CACNA2D1: variants seen among roughly 807,000 people sequenced by gnomAD.
The protein encoded by CACNA2D1 is voltage-dependent calcium channel subunit alpha-2/delta-1.
Under a neutral mutation model 171.5 loss-of-function variants are expected in CACNA2D1, and 53 were observed. The ratio of observed to expected loss-of-function variants is 0.31; its 90% confidence interval spans 0.25 to 0.39. The LOEUF (loss-of-function observed/expected upper bound fraction) is 0.39. Among genes scored for constraint, CACNA2D1 ranks in the 10% least tolerant of loss-of-function variants. CACNA2D1 has a pLI of 1.00. For missense variants in CACNA2D1, 903 were observed against 1,299.8 expected, an observed-to-expected ratio of 0.69 and a Z score of 4.69; for synonymous variants, 442 against 443.1, an observed-to-expected ratio of 1.00 and a Z score of 0.03.
chr7:82,066,409 T>A, intron 8 of CACNA2D1, 46 bp downstream of exon 8: 1 of 1,606,452 alleles, frequency 6.2e-7, no homozygotes, highest in Non-Finnish European at 8.5e-7. Flanking sequence ...CAAATATATA[T>A]CTTCTTGCCT....
chr7:81,995,523 G>T (rs1385644856), intron 19 of CACNA2D1, among the ~76,000 whole-genome samples: 1 of 152,142 alleles, frequency 6.6e-6, no homozygotes, highest in Admixed American at 6.5e-5. Flanking sequence ...GGTCGGCCAG[G>T]TGCAGTGGCT....
intron 34 of CACNA2D1, 93 bp from the exon 35 acceptor site, chr7:81,962,588 T>G (rs1413096201): frequency 1.3e-6 from 1 of 778,864 alleles, no homozygotes; most frequent in East Asian, 2.7e-5. Context: ...CCCTTTATCT[T>G]TTTGGGAAAG....
chr7:81,991,348 A>G (rs1411892502), intron 20 of CACNA2D1, 102 bp from the exon 21 acceptor site: 3 of 715,430 alleles, frequency 4.2e-6, no homozygotes, highest in Non-Finnish European at 2.6e-6. Flanking sequence ...TAGTCATTTA[A>G]TACTCATCTT....
At chr7:82,131,849 T>C (rs1791014793) in intron 5 of CACNA2D1, among the ~76,000 whole-genome samples, 1 of 152,168 alleles carries the variant, frequency 6.6e-6, no homozygotes, top group Admixed American at 6.5e-5. Flanking sequence ...TGTGAACACC[T>C]GATATATAAA....
chr7:82,283,515 T>G (rs1810378472), intron 3 of CACNA2D1, among the ~76,000 whole-genome samples: 1 of 152,294 alleles, frequency 6.6e-6, no homozygotes, highest in South Asian at 2.1e-4. Context: ...CAATTTCATA[T>G]GGAGATTAAA....
chr7:82,080,377 A>G (rs1809599470), intron 7 of CACNA2D1, among the ~76,000 whole-genome samples: 1 of 152,158 alleles, frequency 6.6e-6, no homozygotes, highest in Admixed American at 6.5e-5. Context: ...GTTAAAAATG[A>G]AAATTATAAA....
intron 12 of CACNA2D1, among the ~76,000 whole-genome samples, chr7:82,023,246 A>G (rs1801464625): frequency 6.6e-6 from 1 of 151,872 alleles, no homozygotes; most frequent in Admixed American, 6.6e-5. Context: ...TATAAAGCAA[A>G]TGTATTTTAA....
chr7:81,965,693 C>T (rs1402542844), intron 31 of CACNA2D1, 28 bp from the exon 32 acceptor site: 2 of 1,385,848 alleles, frequency 1.4e-6, no homozygotes, highest in Non-Finnish European at 2.1e-6. Context: ...ACAGTTAACA[C>T]ATTTTTAGAA....
chr7:81,999,972 A>G (rs980941532), intron 18 of CACNA2D1, among the ~76,000 whole-genome samples: 5 of 152,120 alleles, frequency 3.3e-5, no homozygotes, highest in African/African-American at 4.8e-5. Context: ...TTTAAAAACT[A>G]TTTAGAGGCC....
chr7:82,062,301 A>C (rs1413090593), intron 9 of CACNA2D1, among the ~76,000 whole-genome samples: 1 of 152,028 alleles, frequency 6.6e-6, no homozygotes, highest in African/African-American at 2.4e-5. Flanking sequence ...CCTCCTCCAT[A>C]AATGTCCCCA....
intron 3 of CACNA2D1, among the ~76,000 whole-genome samples, chr7:82,179,361 T>C (rs1201473818): frequency 2.0e-5 from 3 of 152,094 alleles, no homozygotes; most frequent in African/African-American, 7.2e-5. Flanking sequence ...AAGAGGACCA[T>C]TCCTAATACT....
At chr7:82,307,310 A>G (rs1813855416) in intron 3 of CACNA2D1, among the ~76,000 whole-genome samples, 1 of 151,566 alleles carries the variant, frequency 6.6e-6, no homozygotes, top group Non-Finnish European at 1.5e-5. Context: ...ATGCGCCACC[A>G]CACCTGGCTA....
intron 4 of CACNA2D1, among the ~76,000 whole-genome samples, chr7:82,143,857 A>C (rs936020702): frequency 2.6e-5 from 4 of 152,184 alleles, no homozygotes; most frequent in Admixed American, 1.3e-4. Flanking sequence ...CCAGTAAATC[A>C]GGAGTTTCTA....
At chr7:82,127,107 A>G (rs1790412789) in intron 5 of CACNA2D1, among the ~76,000 whole-genome samples, 1 of 152,234 alleles carries the variant, frequency 6.6e-6, no homozygotes, top group Non-Finnish European at 1.5e-5. Flanking sequence ...TTATTCTCCA[A>G]TTTCAATTAA....
At chr7:82,234,235 A>T (rs888048709) in intron 3 of CACNA2D1, among the ~76,000 whole-genome samples, 59 of 152,140 alleles carry the variant, frequency 3.9e-4, no homozygotes, top group African/African-American at 1.4e-3. Flanking sequence ...TATTGTAATG[A>T]AAATGTTAGG....
At chr7:82,105,316 C>T (rs1027966667) in intron 6 of CACNA2D1, among the ~76,000 whole-genome samples, 1 of 148,646 alleles carries the variant, frequency 6.7e-6, no homozygotes, top group Non-Finnish European at 1.5e-5. Context: ...AGAGGATAAT[C>T]AATTTTATCC....
chr7:82,020,288 G>C (rs997148731), intron 12 of CACNA2D1, among the ~76,000 whole-genome samples: 1 of 152,150 alleles, frequency 6.6e-6, no homozygotes, highest in African/African-American at 2.4e-5. Context: ...CAAATGGCCA[G>C]TCAGGCGCAT....
intron 6 of CACNA2D1, among the ~76,000 whole-genome samples, chr7:82,100,363 A>AT (rs1421671282): frequency 6.6e-6 from 1 of 152,144 alleles, no homozygotes; most frequent in Non-Finnish European, 1.5e-5. Flanking sequence ...CAAAAATCAA[A>AT]TTTTTTATCT....
At chr7:82,347,511 G>C (rs769615595) in intron 2 of CACNA2D1, among the ~76,000 whole-genome samples, 6 of 152,026 alleles carry the variant, frequency 3.9e-5, no homozygotes, top group South Asian at 2.1e-4. Context: ...CTAAGCTCCT[G>C]TATTTATTCA....
Sources: allele counts gnomAD v4.1 joint callset (sites outside exome capture counted in the v4.1 genomes callset), GRCh38; gene constraint gnomAD v4.1.1; transcripts MANE v1.5; gene names NCBI Gene and HGNC (gene_info 2026-07-23, HGNC 2026-07-21).